Variants in KIAA1217 observed in about 807,000 individuals in gnomAD.
The protein encoded by KIAA1217 is sickle tail protein homolog.
KIAA1217 carries 88 observed loss-of-function variants against 163.9 expected under a neutral mutation model. The ratio of observed to expected loss-of-function variants is 0.54; its 90% CI spans 0.45 to 0.64. The LOEUF (loss-of-function observed/expected upper bound fraction) is 0.64, where lower values mean the gene tolerates loss of function less well. KIAA1217 is among the 30% of genes least tolerant of loss of function. The probability of loss-of-function intolerance (pLI) is 0.00; values close to 1 mark genes in which losing one functional copy is unlikely to be tolerated. For missense variants in KIAA1217, 2,372 were observed against 2,475.0 expected, an observed-to-expected ratio of 0.96 and a Z score of 0.88; for synonymous variants, 903 against 923.1, an observed-to-expected ratio of 0.98 and a Z score of 0.39.
chr10:24,159,963 A>AT (rs541042558), intron 2 of KIAA1217, among the ~76,000 whole-genome samples: 98 of 152,150 alleles, frequency 6.4e-4, no homozygotes, highest in African/African-American at 2.1e-3. Flanking sequence ...TGAAAAGCTT[A>AT]TTTTTTCCCC....
At chr10:24,312,900 C>T (rs190020928) in intron 2 of KIAA1217, among the ~76,000 whole-genome samples, 1 of 152,170 alleles carries the variant, frequency 6.6e-6, no homozygotes, top group Admixed American at 6.6e-5. Context: ...TAGGTGACAG[C>T]GCACATCCTT....
intron 2 of KIAA1217, among the ~76,000 whole-genome samples, chr10:24,127,976 G>A (rs182863725): frequency 1.6e-4 from 25 of 152,174 alleles, no homozygotes; most frequent in African/African-American, 5.5e-4. Flanking sequence ...GAACAATATT[G>A]CAAATATTCT....
At chr10:24,160,505 T>C (rs777971206) in intron 2 of KIAA1217, among the ~76,000 whole-genome samples, 10 of 152,196 alleles carry the variant, frequency 6.6e-5, no homozygotes, top group Non-Finnish European at 1.0e-4. Flanking sequence ...TTTTTCTTAA[T>C]TTCAATTTTC....
At chr10:23,996,955 T>G (rs1846516374) in intron 1 of KIAA1217, among the ~76,000 whole-genome samples, 1 of 152,172 alleles carries the variant, frequency 6.6e-6, no homozygotes, top group African/African-American at 2.4e-5. Flanking sequence ...TATTTTAAAA[T>G]GTAAAGGCAT....
At chr10:23,920,154 T>G (rs192465581) in intron 1 of KIAA1217, among the ~76,000 whole-genome samples, 4 of 152,284 alleles carry the variant, frequency 2.6e-5, no homozygotes, top group East Asian at 1.9e-4. Context: ...ATTTAGGTTT[T>G]TTTGTTTGTT....
At chr10:23,844,940 C>T (rs557880320) in intron 1 of KIAA1217, among the ~76,000 whole-genome samples, 76 of 151,926 alleles carry the variant, frequency 5.0e-4, no homozygotes, top group South Asian at 4.2e-4. Flanking sequence ...TCCATGTGTC[C>T]GTGTTAACCT....
At chr10:24,234,607 C>T (rs1230450939) in intron 2 of KIAA1217, among the ~76,000 whole-genome samples, 2 of 137,604 alleles carry the variant, frequency 1.5e-5, no homozygotes, top group African/African-American at 2.7e-5. Context: ...TGCAGTGAGC[C>T]GAGATCATGC....
intron 3 of KIAA1217, among the ~76,000 whole-genome samples, chr10:24,401,971 A>T (rs565588350): frequency 1.6e-4 from 24 of 152,224 alleles, no homozygotes; most frequent in Non-Finnish European, 3.4e-4. Flanking sequence ...AGAACATGAA[A>T]TACTTAGGTA....
chr10:24,048,021 A>C (rs1418410953), intron 2 of KIAA1217, among the ~76,000 whole-genome samples: 2 of 152,324 alleles, frequency 1.3e-5, no homozygotes, highest in East Asian at 3.9e-4. Flanking sequence ...CAGAAGCAGC[A>C]ATGGATTTAT....
chr10:24,339,062 C>A (rs1296711993), intron 2 of KIAA1217, among the ~76,000 whole-genome samples: 1 of 152,126 alleles, frequency 6.6e-6, no homozygotes, highest in Non-Finnish European at 1.5e-5. Context: ...CTCAGTGTTA[C>A]TATGTGGATT....
intron 1 of KIAA1217, among the ~76,000 whole-genome samples, chr10:23,883,745 G>A (rs775607137): frequency 7.2e-5 from 11 of 151,726 alleles, no homozygotes; most frequent in Non-Finnish European, 1.2e-4. Context: ...GAATAGCCTC[G>A]CTACCCTAAA....
intron 1 of KIAA1217, among the ~76,000 whole-genome samples, chr10:23,734,453 A>AT (rs1403345307): frequency 2.0e-5 from 3 of 151,556 alleles, no homozygotes; most frequent in South Asian, 2.1e-4. Flanking sequence ...CGCCTGGCTA[A>AT]TTTTTTTGTA....
intron 2 of KIAA1217, among the ~76,000 whole-genome samples, chr10:24,315,985 G>A (rs190661036): frequency 6.6e-6 from 1 of 151,880 alleles, no homozygotes; most frequent in Non-Finnish European, 1.5e-5. Flanking sequence ...TGATTATAAA[G>A]GGTAGTTCCC....
chr10:23,874,525 T>C (rs1369743864), intron 1 of KIAA1217, among the ~76,000 whole-genome samples: 1 of 152,044 alleles, frequency 6.6e-6, no homozygotes, highest in Admixed American at 6.6e-5. Flanking sequence ...TATAAATTAC[T>C]ATTATTTTGT....
chr10:24,321,412 G>A (rs1294102707), intron 2 of KIAA1217, among the ~76,000 whole-genome samples: 1 of 151,958 alleles, frequency 6.6e-6, no homozygotes, highest in African/African-American at 2.4e-5. Context: ...AGTGGTGCAT[G>A]CCTGTAATCC....
intron 2 of KIAA1217, among the ~76,000 whole-genome samples, chr10:24,347,294 A>G (rs182444240): frequency 1.8e-4 from 28 of 152,308 alleles, no homozygotes; most frequent in Non-Finnish European, 3.4e-4. Flanking sequence ...TGAAGGATGC[A>G]GTGCGTGATC....
intron 2 of KIAA1217, among the ~76,000 whole-genome samples, chr10:24,070,920 A>G (rs2061162818): frequency 6.6e-6 from 1 of 152,186 alleles, no homozygotes; most frequent in African/African-American, 2.4e-5. Context: ...TGCAATGAGT[A>G]TTCAAGTTGG....
rs1417306071 is a variant in KIAA1217, at chr10:24,542,872, C to A, written c.3613-11C>A. The A allele has an allele frequency of 1.2e-6, 2 of 1,609,216 alleles. No homozygotes were observed. Among genetic ancestry groups the A allele is most frequent in the Admixed American group, 1.7e-5 (1 of 59,744 alleles). On this transcript the variant is annotated splice_polypyrimidine_tract_variant and intron_variant, in intron 18 of 20. Transcript: ENST00000376454. ...ACGTGTGTGGTTTCCCTCCTCCGTT[C>A]TCCCTCTCAGGTTACCACAGGGGCT...
At chr10:23,818,472 G>A (rs573027437) in intron 1 of KIAA1217, among the ~76,000 whole-genome samples, 13 of 151,344 alleles carry the variant, frequency 8.6e-5, no homozygotes, top group African/African-American at 3.2e-4. Context: ...CCTACATTTT[G>A]AGTAACTCAT....
Sources: allele counts gnomAD v4.1 joint callset (sites outside exome capture counted in the v4.1 genomes callset), GRCh38; gene constraint gnomAD v4.1.1; transcripts MANE v1.5; gene names NCBI Gene and HGNC (gene_info 2026-07-23, HGNC 2026-07-21).